Variants in RABGAP1L observed in about 807,000 individuals in gnomAD.
RABGAP1L encodes RAB GTPase activating protein 1 like.
RABGAP1L carries 63 observed loss-of-function variants against 137.7 expected under a neutral mutation model. That is an observed-to-expected ratio of 0.46 (90% CI 0.37 to 0.56). RABGAP1L has a LOEUF of 0.56. Ranked by LOEUF, RABGAP1L falls within the 20% of genes least tolerant of loss-of-function variation. The pLI is 0.00. For synonymous variants in RABGAP1L, 431 were observed against 433.7 expected, an observed-to-expected ratio of 0.99 and a Z score of 0.08; for missense variants, 1,095 against 1,244.0, an observed-to-expected ratio of 0.88 and a Z score of 1.80.
intron 1 of RABGAP1L, among the ~76,000 whole-genome samples, chr1:174,181,294 C>T (rs1428070336): frequency 6.6e-6 from 1 of 151,646 alleles, no homozygotes; most frequent in Non-Finnish European, 1.5e-5. Flanking sequence ...GCATGTGCCA[C>T]TGTGCCTAGC....
intron 19 of RABGAP1L, among the ~76,000 whole-genome samples, chr1:174,879,125 G>T (rs1363496445): frequency 6.7e-6 from 1 of 148,750 alleles, no homozygotes; most frequent in African/African-American, 2.5e-5. Flanking sequence ...TTTTAAGATG[G>T]AGTCTCGCTC....
chr1:174,983,449 A>T (rs949765419), intron 24 of RABGAP1L, among the ~76,000 whole-genome samples: 2 of 152,152 alleles, frequency 1.3e-5, no homozygotes, highest in African/African-American at 2.4e-5. Flanking sequence ...GCTCTATTTG[A>T]AAAAAACAGA....
At chr1:174,333,130 T>C (rs138914902) in intron 11 of RABGAP1L, among the ~76,000 whole-genome samples, 1 of 152,214 alleles carries the variant, frequency 6.6e-6, no homozygotes, top group East Asian at 1.9e-4. Context: ...CTCCTAGAAG[T>C]TGTGAGTACA....
At position 174,434,108 on chromosome 1, in the gene RABGAP1L, T is replaced by TACACACACACACACACAC. The variant is rs35509787; in HGVS notation, c.1710+39990_1710+40007dup. On this transcript the variant is annotated intron_variant, in intron 13 of 25. Transcript: ENST00000681986. Reference sequence around the variant, plus strand: ...GCACATGAGCGCATGCGTGTACACATACACACACACACACACACACACACA... The same window carrying TACACACACACACACACAC: ...GCACATGAGCGCATGCGTGTACACATACACACACACACACACACACACACACACACACACACACACACA... 7.7e-3 allele frequency among the ~76,000 whole-genome samples: 1,027 copies of TACACACACACACACACAC among 134,080 alleles called. 14 individuals carry two copies. Among genetic ancestry groups the TACACACACACACACACAC allele is most frequent in the African/African-American group, 0.021 (792 of 37,368 alleles). The allele number at this position is 134,080 out of a possible 152,430, so 88.0% of individuals were successfully genotyped here.
chr1:174,661,458 T>C (rs1676363478), intron 14 of RABGAP1L, among the ~76,000 whole-genome samples: 1 of 152,104 alleles, frequency 6.6e-6, no homozygotes, highest in Non-Finnish European at 1.5e-5. Flanking sequence ...TTAATAAAAA[T>C]ATTTATTTAG....
intron 1 of RABGAP1L, among the ~76,000 whole-genome samples, chr1:174,202,108 C>T (rs1234719861): frequency 6.6e-6 from 1 of 151,940 alleles, no homozygotes; most frequent in African/African-American, 2.4e-5. Flanking sequence ...CCACAATAAA[C>T]ATACGTGTGC....
At chr1:174,294,960 C>T (rs141023797) in intron 10 of RABGAP1L, among the ~76,000 whole-genome samples, 224 of 151,988 alleles carry the variant, frequency 1.5e-3, no homozygotes, top group African/African-American at 5.3e-3. Context: ...CCTCTGTAGC[C>T]CAGGCTGCAG....
intron 12 of RABGAP1L, among the ~76,000 whole-genome samples, chr1:174,392,017 T>G (rs1385923871): frequency 1.3e-5 from 2 of 152,192 alleles, no homozygotes; most frequent in Non-Finnish European, 2.9e-5. Context: ...CCTTGTCAAA[T>G]AGTTTATTCA....
chr1:174,582,202 A>C (rs1302571654), intron 13 of RABGAP1L, among the ~76,000 whole-genome samples: 1 of 151,918 alleles, frequency 6.6e-6, no homozygotes, highest in Non-Finnish European at 1.5e-5. Flanking sequence ...CAAAAAACCC[A>C]TCTGTACAAA....
intron 1 of RABGAP1L, among the ~76,000 whole-genome samples, chr1:174,172,256 A>G (rs969239368): frequency 3.3e-5 from 5 of 151,192 alleles, no homozygotes; most frequent in Non-Finnish European, 7.4e-5. Context: ...ATCTTAGGAC[A>G]GACACTTAGG....
chr1:174,247,875 C>G (rs1672394121), intron 5 of RABGAP1L, among the ~76,000 whole-genome samples: 1 of 152,116 alleles, frequency 6.6e-6, no homozygotes, highest in Non-Finnish European at 1.5e-5. Flanking sequence ...CTCCCTCTGT[C>G]TCTGTATGGG....
intron 18 of RABGAP1L, among the ~76,000 whole-genome samples, chr1:174,770,850 G>A (rs1181996850): frequency 3.3e-5 from 5 of 152,176 alleles, no homozygotes; most frequent in Admixed American, 3.3e-4. Flanking sequence ...TTATTCAACA[G>A]ATATTCACTA....
intron 19 of RABGAP1L, among the ~76,000 whole-genome samples, chr1:174,888,781 G>A (rs1016658449): frequency 1.3e-5 from 2 of 152,254 alleles, no homozygotes; most frequent in East Asian, 3.9e-4. Flanking sequence ...ACAGACGTGA[G>A]CCACCATGCC....
intron 1 of RABGAP1L, among the ~76,000 whole-genome samples, chr1:174,176,965 A>G (rs1665941527): frequency 6.6e-6 from 1 of 152,004 alleles, no homozygotes; most frequent in Non-Finnish European, 1.5e-5. Flanking sequence ...AATCCCAGCT[A>G]CTCGGGAGGC....
chr1:174,799,869 G>T (rs1192757764), intron 18 of RABGAP1L: 2 of 987,270 alleles, frequency 2.0e-6, no homozygotes, highest in African/African-American at 3.5e-5. Context: ...AACTGCCCTG[G>T]CTTCCTGGCT....
chr1:174,658,995 C>T (rs1394953005), intron 14 of RABGAP1L, among the ~76,000 whole-genome samples: 1 of 152,042 alleles, frequency 6.6e-6, no homozygotes, highest in Non-Finnish European at 1.5e-5. Context: ...ATCTAAGAAT[C>T]CATAAGAATT....
intron 13 of RABGAP1L, chr1:174,545,055 G>A (rs1195168516): frequency 6.6e-6 from 1 of 152,578 alleles, no homozygotes; most frequent in Non-Finnish European, 1.5e-5. Context: ...AGGTGTCAGG[G>A]ACCCACTTGA....
intron 13 of RABGAP1L, among the ~76,000 whole-genome samples, chr1:174,575,676 T>G (rs1366616540): frequency 1.3e-5 from 2 of 152,226 alleles, no homozygotes; most frequent in African/African-American, 4.8e-5. Flanking sequence ...ACATTTTATT[T>G]GAGCACCAAA....
intron 13 of RABGAP1L, among the ~76,000 whole-genome samples, chr1:174,460,065 G>C (rs1366038466): frequency 1.3e-5 from 2 of 151,976 alleles, no homozygotes; most frequent in African/African-American, 4.8e-5. Flanking sequence ...GAGATAATTT[G>C]AGTGACAAGG....
Sources: allele counts gnomAD v4.1 joint callset (sites outside exome capture counted in the v4.1 genomes callset), GRCh38; gene constraint gnomAD v4.1.1; transcripts MANE v1.5; gene names NCBI Gene and HGNC (gene_info 2026-07-23, HGNC 2026-07-21).